PDYN: variants seen among roughly 807,000 people sequenced by gnomAD.
The protein encoded by PDYN is prodynorphin, also known as proenkephalin-B.
In PDYN, 5 loss-of-function variants were observed where a neutral mutation model predicts 11.4. The ratio of observed to expected loss-of-function variants is 0.44; its 90% confidence interval spans 0.23 to 0.92. The LOEUF (loss-of-function observed/expected upper bound fraction) is 0.92, where lower values mean the gene tolerates loss of function less well. Among genes scored for constraint, PDYN ranks in the 40% least tolerant of loss-of-function variants. The pLI is 0.24. For missense variants in PDYN, 337 were observed against 317.3 expected, an observed-to-expected ratio of 1.06 and a Z score of -0.47; for synonymous variants, 132 against 129.5, an observed-to-expected ratio of 1.02 and a Z score of -0.13.
chr20:1,984,010 C>T (rs1988010593), intron 2 of PDYN, among the ~76,000 whole-genome samples: 1 of 152,188 alleles, frequency 6.6e-6, no homozygotes, highest in South Asian at 2.1e-4. Flanking sequence ...TATTACTTCA[C>T]CCAGGCAGCT....
At chr20:1,987,144 G>A (rs952775810) in intron 2 of PDYN, among the ~76,000 whole-genome samples, 1 of 152,162 alleles carries the variant, frequency 6.6e-6, no homozygotes. Context: ...GGGTGAAAAA[G>A]CAAAGAGGTG....
At chr20:1,981,916 A>G (rs1987827509) in intron 3 of PDYN, among the ~76,000 whole-genome samples, 1 of 148,130 alleles carries the variant, frequency 6.8e-6, no homozygotes, top group Admixed American at 6.7e-5. Context: ...ACAGAGCAAG[A>G]CTCTGTCTCA....
intron 2 of PDYN, among the ~76,000 whole-genome samples, chr20:1,983,345 G>A (rs1185296593): frequency 6.6e-6 from 1 of 152,168 alleles, no homozygotes; most frequent in Admixed American, 6.5e-5. Flanking sequence ...CTTTCAATCT[G>A]CACAATAGTT....
rs1323273578 is a variant in PDYN at position 1,980,905 on chromosome 20, T to C, written c.183A>G (p.Arg61=). Residue 61 remains arginine, a synonymous_variant, in exon 4 of 4, where the codon AGA becomes AGG. Coordinates refer to ENST00000217305, the MANE Select transcript of PDYN (RefSeq NM_024411.5). ...AALLPSEEWE[R]CQSFLSFFTP... is the part of the protein sequence containing the mutation. The stretch of plus-strand genomic sequence containing the variant: ...TGAAAAAAGACAGAAAGCTCTGGCA[T>C]CTCTCCCATTCCTCAGAGGGCAGCA... 2 of 1,614,160 alleles carry C rather than the reference T, an allele frequency of 1.2e-6. No homozygotes were observed. Among genetic ancestry groups the C allele is most frequent in the Admixed American group, 1.7e-5 (1 of 60,018 alleles).
intron 2 of PDYN, among the ~76,000 whole-genome samples, chr20:1,985,876 G>A (rs1264471706): frequency 1.3e-5 from 2 of 152,146 alleles, no homozygotes; most frequent in Non-Finnish European, 2.9e-5. Flanking sequence ...TGATGGCTGG[G>A]CTGGCCTGTT....
At position 1,980,864 on chromosome 20, in the gene PDYN, C is replaced by A; in HGVS notation, c.224G>T (p.Gly75Val). ...FLSFFTPSTL[G>V]LNDKEDLGSK... ...CCCCAAGTCCTCCTTGTCATTGAGCCCAAGGGTGGAGGGGGTGAAAAAAGA... is the reference window on the plus strand; with the variant it reads ...CCCCAAGTCCTCCTTGTCATTGAGCACAAGGGTGGAGGGGGTGAAAAAAGA... The change falls in exon 4 of 4, where the codon GGG becomes GTG. Residue 75 changes from glycine to valine, a missense_variant. Coordinates refer to ENST00000217305, the MANE Select transcript of PDYN (RefSeq NM_024411.5). 1 of 1,614,158 alleles carries A rather than the reference C, an allele frequency of 6.2e-7. No individual in the cohort carries two copies. The highest frequency in any genetic ancestry group is 8.5e-7 in the Non-Finnish European group (1 of 1,180,016).
At chr20:1,991,302 C>T (rs1249113131) in intron 2 of PDYN, among the ~76,000 whole-genome samples, 1 of 152,210 alleles carries the variant, frequency 6.6e-6, no homozygotes, top group Non-Finnish European at 1.5e-5. Flanking sequence ...AATGCATCAA[C>T]AAATTGCCTC....
chr20:1,981,931 A>AAATAAATAAAT (rs1987831361), intron 3 of PDYN, among the ~76,000 whole-genome samples: 2 of 143,580 alleles, frequency 1.4e-5, no homozygotes, highest in African/African-American at 5.4e-5. Flanking sequence ...GTCTCAAACA[A>AAATAAATAAAT]AAATAAATAA....
rs138795080 is a variant in PDYN at position 1,980,508 on chromosome 20, C to A, written c.580G>T (p.Asp194Tyr). The A allele has an allele frequency of 8.7e-6, 14 of 1,612,674 alleles. No individual in the cohort carries two copies. The African/African-American group carries it at 1.9e-4, about 22-fold the overall frequency. ...TCCTCATGGCCCATGCTATCCCCGT[C>A]CCCCTCCCCAGCCACCTCTGAGCTC... ...KRSSEVAGEG[D>Y]GDSMGHEDLY... The change falls in exon 4 of 4, where the codon GAC becomes TAC. Residue 194 changes from aspartate to tyrosine, a missense_variant. Asp to Tyr is a radical substitution (Grantham distance 160, BLOSUM62 -3). Transcript: ENST00000217305.
At position 1,980,953 on chromosome 20, in the gene PDYN, G is replaced by A. The variant is rs776557797; in HGVS notation, c.135C>T (p.Cys45=). ...DGPKPINPLI[C]SLQCQAALLP... is the part of the protein sequence containing the mutation. ...GCAGGGCAGCCTGGCATTGCAGGGA[G>A]CAAATCTGCAAAAGACCCAAAAAGA... Residue 45 remains cysteine, a synonymous_variant, in exon 4 of 4, where the codon TGC becomes TGT. Coordinates refer to ENST00000217305, the MANE Select transcript of PDYN (RefSeq NM_024411.5). The A allele has an allele frequency of 1.2e-6, 2 of 1,613,904 alleles. No homozygotes were observed. Among genetic ancestry groups the A allele is most frequent in the Non-Finnish European group, 1.7e-6 (2 of 1,180,028 alleles).
intron 2 of PDYN, among the ~76,000 whole-genome samples, chr20:1,989,770 A>G (rs762453206): frequency 3.9e-5 from 6 of 152,228 alleles, no homozygotes; most frequent in Non-Finnish European, 5.9e-5. Context: ...CACGAGGGAA[A>G]TGGAGACAGA....
chr20:1,984,534 C>T (rs573791445), intron 2 of PDYN, among the ~76,000 whole-genome samples: 23 of 152,280 alleles, frequency 1.5e-4, no homozygotes, highest in African/African-American at 3.1e-4. Flanking sequence ...CCTAAAACCC[C>T]GGCCAGCACA....
chr20:1,988,502 A>T (rs902121375), intron 2 of PDYN, among the ~76,000 whole-genome samples: 7 of 152,156 alleles, frequency 4.6e-5, no homozygotes, highest in African/African-American at 7.2e-5. Flanking sequence ...CTGCCTGCCT[A>T]TCATGTCTGA....
intron 2 of PDYN, among the ~76,000 whole-genome samples, chr20:1,991,730 A>G (rs532604746): frequency 4.6e-5 from 7 of 152,306 alleles, no homozygotes; most frequent in African/African-American, 1.7e-4. Context: ...GTAACTATTG[A>G]TCTCTCTTAC....
chr20:1,980,017 G>A lies in PDYN; in HGVS notation c.*306C>T, dbSNP rs543270731. The stretch of plus-strand genomic sequence containing the variant: ...CTGGAATTGAGGAGTCACGTGAACA[G>A]GTTGGAAGGACAGATCACAAACTGC... On this transcript the variant is annotated 3_prime_UTR_variant, in exon 4 of 4. Transcript: ENST00000217305. 46 of 456,904 alleles carry A rather than the reference G, an allele frequency of 1.0e-4. 1 individual carries two copies. The highest frequency in any genetic ancestry group is 8.5e-4 in the African/African-American group (43 of 50,402). 28.3% of individuals were successfully genotyped at this position (456,904 alleles called of 1,614,324 possible). A position where few individuals can be genotyped will look rare whatever the true frequency, so the allele number is the denominator to read the frequency against.
At chr20:1,986,696 A>C (rs1390899765) in intron 2 of PDYN, among the ~76,000 whole-genome samples, 1 of 152,244 alleles carries the variant, frequency 6.6e-6, no homozygotes, top group African/African-American at 2.4e-5. Context: ...AAGATCATAT[A>C]GTCTGTCCAA....
Position 1,980,461 on chromosome 20 carries a change from GC to G in PDYN, c.626del (p.Gly209AlafsTer29), listed in dbSNP as rs1430160645. ...GCTTGGGACGAATGCGCCGCAAGAA[GC>G]CCCCATAGCGTTTGTACAGGTCCTC... is the stretch of plus-strand genomic sequence containing the variant. ...GHEDLYKRYG[G>X]FLRRIRPKLK... On this transcript the variant is annotated frameshift_variant, in exon 4 of 4. Coordinates refer to ENST00000217305, the MANE Select transcript of PDYN (RefSeq NM_024411.5). LOFTEE classifies it high-confidence loss of function. The G allele has an allele frequency of 6.2e-6, 10 of 1,613,018 alleles. No homozygotes were observed. The highest frequency in any genetic ancestry group is 1.3e-5 in the African/African-American group (1 of 74,822).
intron 2 of PDYN, among the ~76,000 whole-genome samples, chr20:1,983,545 G>GGTCTTT (rs1307958307): frequency 1.3e-5 from 2 of 152,210 alleles, no homozygotes; most frequent in African/African-American, 4.8e-5. Context: ...AGTTCTCTGA[G>GGTCTTT]GTCTTTGTCC....
chr20:1,992,112 G>GCTA (rs1226981974), intron 2 of PDYN, among the ~76,000 whole-genome samples: 1 of 152,124 alleles, frequency 6.6e-6, no homozygotes, highest in African/African-American at 2.4e-5. Context: ...TATCCCATTG[G>GCTA]AGACTTGCAA....
Sources: gnomAD v4.1 joint callset for allele counts (sites outside exome capture counted in the v4.1 genomes callset) on GRCh38, gnomAD v4.1.1 for gene constraint, MANE v1.5 for transcripts, NCBI Gene and HGNC (gene_info 2026-07-23, HGNC 2026-07-21) for gene names.